NELL2: variants seen among roughly 807,000 people sequenced by gnomAD.
NELL2 encodes protein kinase C-binding protein NELL2.
NELL2 carries 41 observed loss-of-function variants against 109.6 expected under a neutral mutation model. That is an observed-to-expected ratio of 0.37 (90% CI 0.29 to 0.49). The LOEUF is 0.49. Among genes scored for constraint, NELL2 ranks in the 20% least tolerant of loss-of-function variants. NELL2 has a pLI of 0.98. For missense variants in NELL2, 900 were observed against 1,008.3 expected (o/e 0.89, Z 1.45); for synonymous variants, 355 against 344.7 (o/e 1.03, Z -0.33).
At chr12:44,814,062 C>CT (rs1165754472) in intron 3 of NELL2, among the ~76,000 whole-genome samples, 1 of 152,168 alleles carries the variant, frequency 6.6e-6, no homozygotes, top group African/African-American at 2.4e-5. Flanking sequence ...GTGTTCGACC[C>CT]TGGGAACCAA....
At chr12:44,518,720 A>G (rs1242166531) in intron 19 of NELL2, among the ~76,000 whole-genome samples, 4 of 152,236 alleles carry the variant, frequency 2.6e-5, no homozygotes, top group Non-Finnish European at 5.9e-5. Flanking sequence ...TTAAGGGTGT[A>G]AGAGGACTCA....
intron 13 of NELL2, among the ~76,000 whole-genome samples, chr12:44,655,252 A>T (rs1429236622): frequency 6.6e-6 from 1 of 152,138 alleles, no homozygotes; most frequent in East Asian, 1.9e-4. Flanking sequence ...GTTCACAGGG[A>T]AACATGCCAC....
At position 44,744,853 on chromosome 12, in the gene NELL2, C is replaced by T. The variant is rs374568078; in HGVS notation, c.994+29894G>A. ...ACAAGTCCAGGACCAGATGGATTCA[C>T]AGCTGAATTCTACCAGAGATACAAA... On this transcript the variant is annotated intron_variant, in intron 9 of 19. Transcript: ENST00000429094. Among the ~76,000 whole-genome samples the T allele has an allele frequency of 5.9e-5, 9 of 152,174 alleles. No individual in the cohort carries two copies. The East Asian group carries it at 1.7e-3, about 29-fold the overall frequency.
intron 12 of NELL2, among the ~76,000 whole-genome samples, chr12:44,672,200 C>T (rs1289917088): frequency 6.6e-6 from 1 of 152,184 alleles, no homozygotes; most frequent in East Asian, 1.9e-4. Flanking sequence ...GGGTCCCCAA[C>T]CCCGGGATGG....
intron 11 of NELL2, among the ~76,000 whole-genome samples, chr12:44,706,339 T>C (rs926830510): frequency 2.6e-5 from 4 of 152,248 alleles, no homozygotes; most frequent in Non-Finnish European, 2.9e-5. Context: ...AGCTAACAAT[T>C]AATGGATGGA....
At chr12:44,676,565 A>G (rs1345635126) in intron 12 of NELL2, among the ~76,000 whole-genome samples, 1 of 152,112 alleles carries the variant, frequency 6.6e-6, no homozygotes, top group Non-Finnish European at 1.5e-5. Context: ...TGACATCTCA[A>G]AATAATGGCC....
intron 2 of NELL2, among the ~76,000 whole-genome samples, chr12:44,828,077 T>C (rs1943772937): frequency 6.6e-6 from 1 of 152,210 alleles, no homozygotes; most frequent in African/African-American, 2.4e-5. Context: ...TGTTGAGCAC[T>C]TTTTCATATA....
rs1041066964 is a variant in NELL2 at position 44,629,845 on chromosome 12, G to A, written c.1445-18875C>T. 4.6e-5 allele frequency among the ~76,000 whole-genome samples: 7 copies of A among 152,144 alleles called. No homozygotes were observed. The South Asian group carries it at 1.0e-3, about 23-fold the overall frequency. ...TGTAATTATTTCCTGACCTAGAACC[G>A]TAAGTTCATAAAGGATTTCAGAATA... On this transcript the variant is annotated intron_variant, in intron 13 of 19. Transcript: ENST00000429094.
At chr12:44,737,194 T>C (rs1399786535) in intron 9 of NELL2, among the ~76,000 whole-genome samples, 2 of 151,936 alleles carry the variant, frequency 1.3e-5, no homozygotes, top group African/African-American at 4.8e-5. Flanking sequence ...AGATAAAGTA[T>C]GTTTAATTTT....
chr12:44,885,104 C>A (rs904933829), intron 1 of NELL2, among the ~76,000 whole-genome samples: 1 of 151,744 alleles, frequency 6.6e-6, no homozygotes, highest in Non-Finnish European at 1.5e-5. Flanking sequence ...CATGGTGAAA[C>A]CCTGTCTCTA....
intron 13 of NELL2, among the ~76,000 whole-genome samples, chr12:44,636,192 A>G (rs1946629167): frequency 6.6e-6 from 1 of 152,056 alleles, no homozygotes; most frequent in African/African-American, 2.4e-5. Context: ...TGCTGAGATG[A>G]TGGGGTGTTC....
At chr12:44,746,805 G>C (rs1321526008) in intron 9 of NELL2, among the ~76,000 whole-genome samples, 1 of 152,182 alleles carries the variant, frequency 6.6e-6, no homozygotes, top group East Asian at 1.9e-4. Flanking sequence ...AACAACAGGT[G>C]CTGGAGAGGA....
intron 15 of NELL2, among the ~76,000 whole-genome samples, chr12:44,598,467 T>C (rs1945059619): frequency 6.6e-6 from 1 of 152,120 alleles, no homozygotes; most frequent in Admixed American, 6.5e-5. Context: ...CTCATTTACA[T>C]TCTCTCATCA....
At chr12:44,684,066 T>C (rs1170843009) in intron 12 of NELL2, among the ~76,000 whole-genome samples, 3 of 152,240 alleles carry the variant, frequency 2.0e-5, no homozygotes, top group African/African-American at 7.2e-5. Flanking sequence ...CTTTGGTTGG[T>C]AAGCTATTGA....
At position 44,555,426 on chromosome 12, in the gene NELL2, A is replaced by G. The variant is rs1943213996; in HGVS notation, c.1664-22705T>C. On this transcript the variant is annotated intron_variant, in intron 15 of 19. Coordinates refer to ENST00000429094, the MANE Select transcript of NELL2 (RefSeq NM_001145108.2). Reference sequence around the variant, plus strand: ...TTCTTATGAGTCTTCGAACCTTCATATTGCTGACAATAAACATTGAGTGGA... The same window carrying G: ...TTCTTATGAGTCTTCGAACCTTCATGTTGCTGACAATAAACATTGAGTGGA... 2.6e-5 allele frequency among the ~76,000 whole-genome samples: 4 copies of G among 152,052 alleles called. No homozygotes were observed. In the South Asian group the frequency reaches 8.3e-4, roughly 31 times the overall value.
intron 15 of NELL2, among the ~76,000 whole-genome samples, chr12:44,546,988 GT>G (rs1942822472): frequency 6.6e-6 from 1 of 152,096 alleles, no homozygotes; most frequent in Non-Finnish European, 1.5e-5. Context: ...TACAATCATT[GT>G]TTCTACACAT....
chr12:44,528,887 C>G (rs1307989879), intron 16 of NELL2, among the ~76,000 whole-genome samples: 5 of 152,072 alleles, frequency 3.3e-5, no homozygotes, highest in African/African-American at 1.2e-4. Flanking sequence ...AAGGGCATTC[C>G]ACATAAAGTG....
At chr12:44,893,490 GTGTTAGCATTATTTTAAACAC>G (rs1178032485) in intron 1 of NELL2, among the ~76,000 whole-genome samples, 1 of 152,096 alleles carries the variant, frequency 6.6e-6, no homozygotes, top group Non-Finnish European at 1.5e-5. Context: ...TAACTAACAA[GTGTTAGCATTATTTTAAACAC>G]AGCTAAATTA....
At chr12:44,598,311 A>G (rs1192896283) in intron 15 of NELL2, among the ~76,000 whole-genome samples, 1 of 152,106 alleles carries the variant, frequency 6.6e-6, no homozygotes, top group Non-Finnish European at 1.5e-5. Context: ...ATAGACACTG[A>G]CCATAGATGA....
Sources: gnomAD v4.1 joint callset for allele counts (sites outside exome capture counted in the v4.1 genomes callset) on GRCh38, gnomAD v4.1.1 for gene constraint, MANE v1.5 for transcripts, NCBI Gene and HGNC (gene_info 2026-07-23, HGNC 2026-07-21) for gene names.